The following LCTL variants were observed in gnomAD, a reference collection of about 807,000 sequenced individuals.
LCTL encodes lactase-like protein.
Under a neutral mutation model 75.8 loss-of-function variants are expected in LCTL, and 76 were observed. The ratio of observed to expected loss-of-function variants is 1.00; its 90% confidence interval spans 0.83 to 1.21. The LOEUF is 1.21. Ranked by LOEUF, LCTL falls within the 50% of genes most tolerant of loss-of-function variation. The pLI, the probability that LCTL is intolerant of heterozygous loss-of-function variation, is 0.00. For synonymous variants in LCTL, 271 were observed against 268.8 expected (o/e 1.01, Z -0.08); for missense variants, 670 against 712.4 (o/e 0.94, Z 0.68).
intron 8 of LCTL, among the ~76,000 whole-genome samples, chr15:66,553,823 A>G (rs1462215013): frequency 6.6e-6 from 1 of 152,040 alleles, no homozygotes; most frequent in Non-Finnish European, 1.5e-5. Flanking sequence ...ATCTGGAGAA[A>G]AAGTAGAGTT....
chr15:66,552,007 C>T (rs1022828262), intron 10 of LCTL, 36 bp downstream of exon 11: 65 of 1,594,212 alleles, frequency 4.1e-5, no homozygotes, highest in East Asian at 3.4e-4. Context: ...CTCAGTTAAA[C>T]GGGAAAACTG....
intron 8 of LCTL, among the ~76,000 whole-genome samples, chr15:66,553,566 T>C (rs1019814671): frequency 4.7e-5 from 7 of 150,290 alleles, no homozygotes; most frequent in African/African-American, 1.7e-4. Context: ...CCATCCTGGC[T>C]AGCACAGTGA....
At position 66,564,789 on chromosome 15, in the gene LCTL, C is replaced by T. The variant is rs749786694; in HGVS notation, c.169G>A (p.Asp57Asn). 1.5e-5 allele frequency: 24 copies of T among 1,613,562 alleles called. No homozygotes were observed. The East Asian group carries it at 4.0e-4, about 27-fold the overall frequency. The change falls in exon 2 of 13, where the codon GAC becomes AAC. Residue 57 changes from aspartate (D) to asparagine (N), a missense_variant. By Grantham distance (23) the Asp-to-Asn change is conservative. Coordinates refer to ENST00000341509, the Ensembl canonical transcript of LCTL. ...ATGCTAGGCCCTTTCCCGTCCTGGT[C>T]CCAGGCGCCCTCCGTCTGGTAGGCA...
exon 5 of LCTL, chr15:66,561,222 G>T (rs1412316049): frequency 1.9e-6 from 3 of 1,614,084 alleles, no homozygotes; most frequent in South Asian, 1.1e-5. Flanking sequence ...TGCTTCACAC[G>T]GTCCCCAAAG....
At chr15:66,548,388 T>C (rs994350998) in exon 13 of LCTL, 9 of 527,106 alleles carry the variant, frequency 1.7e-5, no homozygotes, top group Non-Finnish European at 3.0e-5. Flanking sequence ...AAGGTAATTA[T>C]TGTAGAACCT....
chr15:66,552,176 GTGAGTCATAGCAACAAATATCT>G lies in LCTL; in HGVS notation c.1198-29_1198-8del. ...GAGGATCACCGTATTGAGTCTGAAA[GTGAGTCATAGCAACAAATATCT>G]TAAAAATTCTGACCTACAGGTAGGT... On this transcript the variant is annotated splice_region_variant and splice_polypyrimidine_tract_variant and intron_variant, in intron 9 of 12. Coordinates refer to ENST00000341509, the Ensembl canonical transcript of LCTL. 1 of 1,604,266 alleles carries G rather than the reference GTGAGTCATAGCAACAAATATCT, an allele frequency of 6.2e-7. No individual in the cohort carries two copies. The highest frequency in any genetic ancestry group is 8.5e-7 in the Non-Finnish European group (1 of 1,177,596).
chr15:66,561,349 G>T (rs1413439372), intron 4 of LCTL, 34 bp from the exon 6 acceptor site: 1 of 1,613,738 alleles, frequency 6.2e-7, no homozygotes, highest in South Asian at 1.1e-5. Context: ...CCCCATGAAT[G>T]AACCGCAAAG....
exon 13 of LCTL, chr15:66,547,766 A>T (rs1895432724): frequency 6.6e-6 from 1 of 152,010 alleles, no homozygotes; most frequent in Admixed American, 6.6e-5. Context: ...TACAACCTGG[A>T]AGGATTGTTA....
exon 9 of LCTL, chr15:66,553,016 A>G: frequency 7.4e-6 from 11 of 1,494,850 alleles, no homozygotes; most frequent in Non-Finnish European, 8.9e-6. Flanking sequence ...CTAAATCCCC[A>G]TGGCACAGAA....
chr15:66,557,460 C>G (rs552226544), intron 8 of LCTL, among the ~76,000 whole-genome samples: 1 of 152,044 alleles, frequency 6.6e-6, no homozygotes, highest in African/African-American at 2.4e-5. Flanking sequence ...GGAAGCAGAA[C>G]ATAAGAGAGA....
intron 11 of LCTL, among the ~76,000 whole-genome samples, chr15:66,551,343 C>T (rs71398271): frequency 1.4e-5 from 1 of 72,630 alleles, no homozygotes; most frequent in African/African-American, 6.0e-5. Context: ...GAGATTCTGT[C>T]TCAAAAAAAA....
At chr15:66,550,655 T>G (rs1179121980) in intron 11 of LCTL, among the ~76,000 whole-genome samples, 2 of 151,832 alleles carry the variant, frequency 1.3e-5, no homozygotes, top group South Asian at 2.1e-4. Flanking sequence ...GATTTTTAAA[T>G]TTTTGTAGAA....
intron 10 of LCTL, 79 bp downstream of exon 11, chr15:66,551,964 G>T: frequency 1.3e-6 from 2 of 1,551,518 alleles, no homozygotes; most frequent in Non-Finnish European, 1.7e-6. Flanking sequence ...TTAGAAGCAA[G>T]TTTCAGTTGA....
In LCTL at chr15:66,551,197, A is replaced by C. The variant is rs112067093; in HGVS notation, c.1524+465T>G. Among the ~76,000 whole-genome samples, 384 of 151,850 alleles carry C rather than the reference A, an allele frequency of 2.5e-3. 1 individual carries two copies. The highest frequency in any genetic ancestry group is 6.0e-3 in the Admixed American group (92 of 15,238). ...CCCCATCTCTACTAAAAATACAAAA[A>C]TTAGCTGGGCGTGGTGGCATGCCCC... On this transcript the variant is annotated intron_variant, in intron 11 of 12. Transcript: ENST00000341509.
chr15:66,564,520 C>T, intron 2 of LCTL, 156 bp downstream of exon 3: 1 of 839,460 alleles, frequency 1.2e-6, no homozygotes, highest in Non-Finnish European at 1.8e-6. Context: ...GCCCTGCCCC[C>T]TCTGGCTGCA....
chr15:66,559,017 C>CTTGTTTT (rs1388451110), intron 6 of LCTL, among the ~76,000 whole-genome samples: 2 of 151,670 alleles, frequency 1.3e-5, no homozygotes, highest in South Asian at 2.1e-4. Flanking sequence ...CTTTAATAAG[C>CTTGTTTT]TTGTTTTTTG....
At chr15:66,554,288 CAAAAAAA>C (rs547806774) in intron 8 of LCTL, among the ~76,000 whole-genome samples, 1 of 43,416 alleles carries the variant, frequency 2.3e-5, no homozygotes. Context: ...AAGACTGTCT[CAAAAAAA>C]AAAAAAAAAA....
At chr15:66,560,941 T>C in intron 6 of LCTL, 65 bp downstream of exon 7, 1 of 1,480,304 alleles carries the variant, frequency 6.8e-7, no homozygotes, top group East Asian at 2.3e-5. Flanking sequence ...AAGCTCAGGC[T>C]AGAGCCCCTG....
At position 66,561,257 on chromosome 15, in the gene LCTL, T is replaced by C. The variant is rs777176976; in HGVS notation, c.539A>G (p.Asp180Gly). The stretch of plus-strand genomic sequence containing the variant: ...GGCCTCAAAGCACAGGTTGGCGTAG[T>C]CTCTGAAGTAGTTGGCCATGCTCAC... Residue 180 changes from aspartate to glycine, a missense_variant, in exon 5 of 13, where the codon GAC becomes GGC. Asp to Gly is a moderately conservative substitution (Grantham distance 94). Coordinates refer to ENST00000341509, the Ensembl canonical transcript of LCTL. The C allele has an allele frequency of 3.1e-6, 5 of 1,614,212 alleles. No homozygotes were observed. The Admixed American group carries it at 8.3e-5, about 27-fold the overall frequency.
Sources: gnomAD v4.1 joint callset for allele counts (sites outside exome capture counted in the v4.1 genomes callset) on GRCh38, gnomAD v4.1.1 for gene constraint, MANE v1.5 for transcripts, NCBI Gene and HGNC (gene_info 2026-07-23, HGNC 2026-07-21) for gene names.